Variants in LURAP1L observed in about 807,000 individuals in gnomAD.
LURAP1L encodes the protein leucine rich adaptor protein 1-like.
LURAP1L carries 12 observed loss-of-function variants against 13.8 expected under a neutral mutation model. The ratio of observed to expected loss-of-function variants is 0.87; its 90% confidence interval spans 0.56 to 1.41. The LOEUF (loss-of-function observed/expected upper bound fraction) is 1.41. Among genes scored for constraint, LURAP1L ranks in the 40% most tolerant of loss-of-function variants. The pLI, the probability that LURAP1L is intolerant of heterozygous loss-of-function variation, is 0.00. For missense variants in LURAP1L, 375 were observed against 292.9 expected (o/e 1.28, Z -2.04); for synonymous variants, 139 against 119.2 (o/e 1.17, Z -1.08).
At chr9:12,791,789 A>G (rs984233090) in intron 1 of LURAP1L, among the ~76,000 whole-genome samples, 2 of 151,956 alleles carry the variant, frequency 1.3e-5, no homozygotes, top group African/African-American at 4.8e-5. Context: ...TAATTCAGTG[A>G]TCATTCCCCT....
At chr9:12,785,444 TC>T (rs1819337147) in intron 1 of LURAP1L, among the ~76,000 whole-genome samples, 1 of 152,082 alleles carries the variant, frequency 6.6e-6, no homozygotes, top group Admixed American at 6.5e-5. Context: ...CTGGGAACTT[TC>T]CTCCTTGAAA....
In LURAP1L at chr9:12,775,887, A is replaced by G. The variant is rs766439880; in HGVS notation, c.172A>G (p.Ser58Gly). The change falls in exon 1 of 2, where the codon AGC becomes GGC. Residue 58 changes from serine to glycine, a missense_variant. Transcript: ENST00000319264. ...TGGCGGCGGCGGCGGCGGCTGCAGT[A>G]GCAGCAGCAGCTACTGCAGCTTCCC... The part of the protein sequence containing the change: ...GGGGGGGGCS[S>G]SSSYCSFPPS... The G allele has an allele frequency of 2.1e-5, 31 of 1,476,068 alleles. No individual in the cohort carries two copies. Among genetic ancestry groups the G allele is most frequent in the Non-Finnish European group, 2.3e-5 (26 of 1,108,030 alleles). The allele number at this position is 1,476,068 out of a possible 1,614,324, so 91.4% of individuals were successfully genotyped here.
At chr9:12,782,564 T>A (rs1044037489) in intron 1 of LURAP1L, among the ~76,000 whole-genome samples, 4 of 152,230 alleles carry the variant, frequency 2.6e-5, no homozygotes, top group Non-Finnish European at 5.9e-5. Context: ...GTGAATTTGT[T>A]TGTCAGTTCT....
chr9:12,802,284 G>C (rs1303542455), intron 1 of LURAP1L, among the ~76,000 whole-genome samples: 1 of 152,146 alleles, frequency 6.6e-6, no homozygotes, highest in Non-Finnish European at 1.5e-5. Context: ...CAAGTCTCAT[G>C]TTCTGTATTC....
chr9:12,796,641 A>T (rs1237214090), intron 1 of LURAP1L, among the ~76,000 whole-genome samples: 2 of 151,968 alleles, frequency 1.3e-5, no homozygotes, highest in African/African-American at 2.4e-5. Context: ...TTACGATAAA[A>T]TTTTGCAATT....
chr9:12,820,275 C>T (rs954716664), intron 1 of LURAP1L, among the ~76,000 whole-genome samples: 4 of 151,882 alleles, frequency 2.6e-5, no homozygotes, highest in Admixed American at 2.0e-4. Context: ...GAGGCCGAGG[C>T]GGGCGGATCA....
At chr9:12,803,649 G>C (rs1819617562) in intron 1 of LURAP1L, among the ~76,000 whole-genome samples, 1 of 152,162 alleles carries the variant, frequency 6.6e-6, no homozygotes. Context: ...ACATTAATTA[G>C]AGTAAAATTC....
intron 1 of LURAP1L, among the ~76,000 whole-genome samples, chr9:12,791,753 G>T (rs868510141): frequency 8.7e-5 from 13 of 149,614 alleles, no homozygotes; most frequent in African/African-American, 3.0e-4. Flanking sequence ...TAAGAAATTT[G>T]CACATGATAT....
intron 1 of LURAP1L, among the ~76,000 whole-genome samples, chr9:12,806,267 T>C (rs890381085): frequency 5.3e-5 from 8 of 152,232 alleles, no homozygotes; most frequent in Admixed American, 1.3e-4. Context: ...GTAGGCTGTG[T>C]AGGTTGTATA....
At position 12,811,675 on chromosome 9, in the gene LURAP1L, G is replaced by C. The variant is rs1249330513; in HGVS notation, c.313-9711G>C. ...CAACAAAATTATCCACAAGTGGAAA[G>C]ATCTCTAGGACCTTGCTAAAGTGTG... On this transcript the variant is annotated intron_variant, in intron 1 of 1. Coordinates refer to ENST00000319264, the MANE Select transcript of LURAP1L (RefSeq NM_203403.2). Among the ~76,000 whole-genome samples the C allele has an allele frequency of 3.9e-5, 6 of 152,344 alleles. No homozygotes were observed. The East Asian group carries it at 1.2e-3, about 29-fold the overall frequency.
At chr9:12,819,115 C>G (rs932483367) in intron 1 of LURAP1L, among the ~76,000 whole-genome samples, 2 of 152,080 alleles carry the variant, frequency 1.3e-5, no homozygotes, top group Non-Finnish European at 2.9e-5. Flanking sequence ...TTGAGACACC[C>G]CAACAAATAG....
In LURAP1L at chr9:12,817,853, C is replaced by T. The variant is rs573382477; in HGVS notation, c.313-3533C>T. ...CTTTCAAGGGTCATCGGTAGCATAA[C>T]TGCACCTTGGTGCTTGGAGAAAGCA... is the stretch of plus-strand genomic sequence containing the variant. On this transcript the variant is annotated intron_variant, in intron 1 of 1. Transcript: ENST00000319264. 5.3e-5 allele frequency among the ~76,000 whole-genome samples: 8 copies of T among 152,314 alleles called. No individual in the cohort carries two copies. The East Asian group carries it at 1.5e-3, about 29-fold the overall frequency.
chr9:12,814,790 T>A (rs1459734743), intron 1 of LURAP1L, among the ~76,000 whole-genome samples: 1 of 152,228 alleles, frequency 6.6e-6, no homozygotes, highest in Non-Finnish European at 1.5e-5. Flanking sequence ...CTTGGGGAAA[T>A]TACTTTTCTA....
intron 1 of LURAP1L, among the ~76,000 whole-genome samples, chr9:12,791,049 C>A (rs990250030): frequency 6.6e-6 from 1 of 152,002 alleles, no homozygotes; most frequent in African/African-American, 2.4e-5. Flanking sequence ...ATAGACTTGG[C>A]AACTTCTGAT....
At chr9:12,803,475 A>G (rs1819615028) in intron 1 of LURAP1L, among the ~76,000 whole-genome samples, 1 of 152,214 alleles carries the variant, frequency 6.6e-6, no homozygotes, top group African/African-American at 2.4e-5. Context: ...TAGTTAAGTC[A>G]CAGGACATCA....
chr9:12,820,467 C>T (rs570652625), intron 1 of LURAP1L, among the ~76,000 whole-genome samples: 1 of 142,474 alleles, frequency 7.0e-6, no homozygotes, highest in African/African-American at 2.6e-5. Flanking sequence ...TCCGCCACTG[C>T]ACTCCAGCCT....
intron 1 of LURAP1L, among the ~76,000 whole-genome samples, 159 bp downstream of exon 1, chr9:12,776,186 T>A (rs182999630): frequency 2.0e-5 from 3 of 152,210 alleles, no homozygotes; most frequent in East Asian, 3.9e-4. Flanking sequence ...GGGGCGCTCA[T>A]CCGGAGGCAG....
chr9:12,820,508 C>G lies in LURAP1L; in HGVS notation c.313-878C>G, dbSNP rs1156319988. 4.0e-4 allele frequency among the ~76,000 whole-genome samples: 31 copies of G among 77,624 alleles called. 1 individual carries two copies. The highest frequency in any genetic ancestry group is 6.9e-4 in the Admixed American group (7 of 10,106). 50.9% of individuals were successfully genotyped at this position (77,624 alleles called of 152,430 possible). On this transcript the variant is annotated intron_variant, in intron 1 of 1. Coordinates refer to ENST00000319264, the MANE Select transcript of LURAP1L (RefSeq NM_203403.2). Reference sequence around the variant, plus strand: ...ACAGATCGAGACTCCGTCCCCCCCCCCCCCCCAAAAAAAAAAAAGGACCAC... The same window carrying G: ...ACAGATCGAGACTCCGTCCCCCCCCGCCCCCCAAAAAAAAAAAAGGACCAC...
At chr9:12,798,235 T>C (rs1186184784) in intron 1 of LURAP1L, among the ~76,000 whole-genome samples, 7 of 152,198 alleles carry the variant, frequency 4.6e-5, no homozygotes, top group Non-Finnish European at 7.4e-5. Context: ...GGACATGTCC[T>C]GATGAGCTCA....
Sources: gnomAD v4.1 joint callset for allele counts (sites outside exome capture counted in the v4.1 genomes callset) on GRCh38, gnomAD v4.1.1 for gene constraint, MANE v1.5 for transcripts, NCBI Gene and HGNC (gene_info 2026-07-23, HGNC 2026-07-21) for gene names.